SH3PXD2A: variants seen among roughly 807,000 people sequenced by gnomAD.
SH3PXD2A encodes SH3 and PX domains 2A.
SH3PXD2A carries 32 observed loss-of-function variants against 115.2 expected under a neutral mutation model. The observed-to-expected ratio is 0.28, with a 90% CI of 0.21 to 0.37. The LOEUF (loss-of-function observed/expected upper bound fraction) is 0.37, where lower values mean the gene tolerates loss of function less well. Among genes scored for constraint, SH3PXD2A ranks in the 10% least tolerant of loss-of-function variants. The pLI is 1.00. For synonymous variants in SH3PXD2A, 610 were observed against 629.1 expected, an observed-to-expected ratio of 0.97 and a Z score of 0.45; for missense variants, 1,328 against 1,498.7, an observed-to-expected ratio of 0.89 and a Z score of 1.88.
intron 2 of SH3PXD2A, among the ~76,000 whole-genome samples, chr10:103,791,700 C>A (rs115248669): frequency 1.3e-5 from 2 of 151,976 alleles, no homozygotes; most frequent in African/African-American, 4.8e-5. Flanking sequence ...AACCAGGTCC[C>A]GAGTTGCTCT....
In SH3PXD2A at chr10:103,846,506, G is replaced by A. The variant is rs563352478; in HGVS notation, c.72+8689C>T. On this transcript the variant is annotated intron_variant, in intron 1 of 14. Coordinates refer to ENST00000369774, the MANE Select transcript of SH3PXD2A (RefSeq NM_001394015.1). ...TTGTTTAAAAATTCCCTGGGGTCAG[G>A]AACAACTCACTTTGTATAGCATCCC... 2.6e-5 allele frequency among the ~76,000 whole-genome samples: 4 copies of A among 152,274 alleles called. No homozygotes were observed. The East Asian group carries it at 7.7e-4, about 29-fold the overall frequency.
chr10:103,809,217 C>A (rs2039239009), intron 1 of SH3PXD2A, among the ~76,000 whole-genome samples: 1 of 152,152 alleles, frequency 6.6e-6, no homozygotes, highest in African/African-American at 2.4e-5. Flanking sequence ...CACTTAGAAG[C>A]CTGGATGTAG....
intron 8 of SH3PXD2A, among the ~76,000 whole-genome samples, chr10:103,646,740 T>TAAAGGC (rs2037042234): frequency 1.3e-5 from 2 of 152,224 alleles, no homozygotes; most frequent in African/African-American, 4.8e-5. Flanking sequence ...CAGCAGGAGA[T>TAAAGGC]AAAGGCTGGG....
chr10:103,735,467 G>A (rs902650391), intron 4 of SH3PXD2A, among the ~76,000 whole-genome samples: 6 of 152,196 alleles, frequency 3.9e-5, no homozygotes, highest in Admixed American at 3.3e-4. Flanking sequence ...ACTTCCCAGA[G>A]GAAGTGACTT....
intron 2 of SH3PXD2A, among the ~76,000 whole-genome samples, chr10:103,795,924 AAGGAAGGC>A (rs201273894): frequency 0.15 from 18,898 of 127,568 alleles, 1,632 homozygotes; most frequent in East Asian, 0.37. Flanking sequence ...GGAAGGAAGG[AAGGAAGGC>A]AGGAAGGAAG....
intron 4 of SH3PXD2A, among the ~76,000 whole-genome samples, chr10:103,728,589 A>G (rs2038271998): frequency 6.6e-6 from 1 of 152,232 alleles, no homozygotes; most frequent in Non-Finnish European, 1.5e-5. Flanking sequence ...CTGTGAGCAC[A>G]TGTGAAATCT....
At chr10:103,736,487 C>A (rs537059781) in intron 3 of SH3PXD2A, among the ~76,000 whole-genome samples, 10 of 152,394 alleles carry the variant, frequency 6.6e-5, no homozygotes, top group South Asian at 6.2e-4. Flanking sequence ...ATAACAAATG[C>A]ATCAAGACAT....
Position 103,595,089 on chromosome 10 carries a change from G to A in SH3PXD2A, c.*6727C>T, listed in dbSNP as rs945619238. ...CCCGGGAGCTGGATGCATATATTCT[G>A]GAATCAGGGCCTGCAAACTCAAAGA... On this transcript the variant is annotated 3_prime_UTR_variant, in exon 15 of 15. Transcript: ENST00000369774. 1 of 152,230 alleles carries A rather than the reference G, an allele frequency of 6.6e-6. No homozygotes were observed. Among genetic ancestry groups the A allele is most frequent in the African/African-American group, 2.4e-5 (1 of 41,450 alleles). 9.4% of individuals were successfully genotyped at this position (152,230 alleles called of 1,614,324 possible).
chr10:103,819,056 C>A (rs1282077224), intron 1 of SH3PXD2A, among the ~76,000 whole-genome samples: 1 of 152,194 alleles, frequency 6.6e-6, no homozygotes, highest in Non-Finnish European at 1.5e-5. Flanking sequence ...CTTGGTAGAT[C>A]CTCAGTAAAG....
intron 1 of SH3PXD2A, among the ~76,000 whole-genome samples, chr10:103,847,490 A>T (rs764995917): frequency 4.6e-5 from 7 of 151,976 alleles, no homozygotes; most frequent in Non-Finnish European, 7.4e-5. Context: ...ATTCTGGCTT[A>T]TTTTTTAATT....
chr10:103,839,002 A>G lies in SH3PXD2A; in HGVS notation c.72+16193T>C, dbSNP rs1323647206. On this transcript the variant is annotated intron_variant, in intron 1 of 14. Coordinates refer to ENST00000369774, the MANE Select transcript of SH3PXD2A (RefSeq NM_001394015.1). The stretch of plus-strand genomic sequence containing the variant: ...GGGAGGGTGTCCAGAACATCAACAT[A>G]CATACAGACCTAGAAGAACGTCTTG... Among the ~76,000 whole-genome samples, 5 of 152,166 alleles carry G rather than the reference A, an allele frequency of 3.3e-5. No homozygotes were observed. The South Asian group carries it at 1.0e-3, about 32-fold the overall frequency.
At chr10:103,678,166 G>C (rs535904837) in intron 6 of SH3PXD2A, 56 of 1,288,854 alleles carry the variant, frequency 4.3e-5, no homozygotes, top group South Asian at 4.9e-5. Context: ...GTAATGTCTG[G>C]GGGGAGCAGG....
chr10:103,751,326 G>C (rs552120428), intron 3 of SH3PXD2A, among the ~76,000 whole-genome samples: 2 of 152,072 alleles, frequency 1.3e-5, no homozygotes, highest in Non-Finnish European at 2.9e-5. Flanking sequence ...ATATAGATTT[G>C]TTTCCTTGCT....
chr10:103,704,842 CCCGA>C (rs1280671119), intron 5 of SH3PXD2A, among the ~76,000 whole-genome samples: 1 of 152,078 alleles, frequency 6.6e-6, no homozygotes, highest in Non-Finnish European at 1.5e-5. Flanking sequence ...GCCTGTGAGG[CCCGA>C]GACATGGGTT....
intron 5 of SH3PXD2A, among the ~76,000 whole-genome samples, chr10:103,717,074 T>G (rs2038113804): frequency 6.6e-6 from 1 of 152,152 alleles, no homozygotes; most frequent in Non-Finnish European, 1.5e-5. Flanking sequence ...GCAGCAACGA[T>G]TCCCACTCTA....
At chr10:103,606,006 G>GGTGC in intron 13 of SH3PXD2A, 89 bp from the exon 14 acceptor site, 2 of 1,419,328 alleles carry the variant, frequency 1.4e-6, no homozygotes, top group Non-Finnish European at 1.9e-6. Flanking sequence ...GTCCCCAGGG[G>GGTGC]GTGCGGATGG....
intron 2 of SH3PXD2A, among the ~76,000 whole-genome samples, chr10:103,791,774 G>A (rs772011404): frequency 6.6e-6 from 1 of 151,960 alleles, no homozygotes; most frequent in African/African-American, 2.4e-5. Context: ...GAAACTGCAC[G>A]AGAAGTTGCA....
chr10:103,600,652 G>C lies in SH3PXD2A; in HGVS notation c.*1164C>G, dbSNP rs1316544433. The C allele has an allele frequency of 1.3e-5, 2 of 152,164 alleles. No individual in the cohort carries two copies. The highest frequency in any genetic ancestry group is 2.9e-5 in the Non-Finnish European group (2 of 68,026). 9.4% of individuals were successfully genotyped at this position (152,164 alleles called of 1,614,324 possible). A position where few individuals can be genotyped will look rare whatever the true frequency, so the allele number is the denominator to read the frequency against. On this transcript the variant is annotated 3_prime_UTR_variant, in exon 15 of 15. Coordinates refer to ENST00000369774, the MANE Select transcript of SH3PXD2A (RefSeq NM_001394015.1). Reference sequence around the variant, plus strand: ...AACACCCTCCTCCTTCCTGGGGAGGGTTTTTGCCCCTCTGAGGTTGTGCAG... The same window carrying C: ...AACACCCTCCTCCTTCCTGGGGAGGCTTTTTGCCCCTCTGAGGTTGTGCAG...
At chr10:103,780,152 A>T (rs2038918463) in intron 2 of SH3PXD2A, among the ~76,000 whole-genome samples, 1 of 152,222 alleles carries the variant, frequency 6.6e-6, no homozygotes, top group Admixed American at 6.5e-5. Context: ...ACAGACCCTC[A>T]GCGGGCCTGG....
Sources: allele counts gnomAD v4.1 joint callset (sites outside exome capture counted in the v4.1 genomes callset), GRCh38; gene constraint gnomAD v4.1.1; transcripts MANE v1.5; gene names NCBI Gene and HGNC (gene_info 2026-07-23, HGNC 2026-07-21).